The following HDAC9 variants were observed in gnomAD, a reference collection of about 807,000 sequenced individuals.
The protein encoded by HDAC9 is histone deacetylase 9.
HDAC9 carries 41 observed loss-of-function variants against 139.4 expected under a neutral mutation model. The ratio of observed to expected loss-of-function variants is 0.29; its 90% confidence interval spans 0.23 to 0.38. HDAC9 has a LOEUF of 0.38. Ranked by LOEUF, HDAC9 falls within the 10% of genes least tolerant of loss-of-function variation. The pLI, the probability that HDAC9 is intolerant of heterozygous loss-of-function variation, is 1.00. For synonymous variants in HDAC9, 517 were observed against 476.2 expected, an observed-to-expected ratio of 1.09 and a Z score of -1.12; for missense variants, 1,147 against 1,297.0, an observed-to-expected ratio of 0.88 and a Z score of 1.78.
intron 9 of HDAC9, among the ~76,000 whole-genome samples, chr7:18,646,191 A>C (rs1249922973): frequency 6.6e-6 from 1 of 152,266 alleles, no homozygotes; most frequent in South Asian, 2.1e-4. Flanking sequence ...ATACCAACCC[A>C]AAAACTTCTT....
chr7:18,218,001 A>G (rs920545005), intron 2 of HDAC9, among the ~76,000 whole-genome samples: 2 of 152,234 alleles, frequency 1.3e-5, no homozygotes, highest in Non-Finnish European at 2.9e-5. Context: ...ATTCACTCAC[A>G]TGGCTATTGA....
At chr7:18,337,422 A>AT (rs985263207) in intron 1 of HDAC9, among the ~76,000 whole-genome samples, 8 of 151,680 alleles carry the variant, frequency 5.3e-5, no homozygotes, top group Admixed American at 3.3e-4. Context: ...AAAGCAGCTT[A>AT]TTTTTTTAAC....
chr7:18,167,628 C>G (rs1344665217), intron 2 of HDAC9, among the ~76,000 whole-genome samples: 5 of 152,138 alleles, frequency 3.3e-5, no homozygotes, highest in African/African-American at 1.2e-4. Flanking sequence ...TTCATGTATT[C>G]TAAGGTCATT....
chr7:18,699,364 C>CTGTG (rs374334891), intron 12 of HDAC9, among the ~76,000 whole-genome samples: 1 of 151,314 alleles, frequency 6.6e-6, no homozygotes, highest in African/African-American at 2.4e-5. Context: ...GTAGGTGTGT[C>CTGTG]TGTGTGTGTG....
At position 18,339,325 on chromosome 7, in the gene HDAC9, CT is replaced by C. The variant is rs558821821; in HGVS notation, c.-42+48815del. On this transcript the variant is annotated intron_variant, in intron 1 of 3. Transcript: ENST00000413509. ...CTTCCTTTGGGTTTCATGTGCTTCT[CT>C]TTTTCTAGTTTCGTAAAGTGGAAGC... 3.3e-3 allele frequency among the ~76,000 whole-genome samples: 506 copies of C among 151,386 alleles called. 3 individuals are homozygous for C. Among genetic ancestry groups the C allele is most frequent in the African/African-American group, 0.012 (491 of 41,434 alleles).
chr7:18,957,550 G>A (rs940243998), intron 24 of HDAC9, among the ~76,000 whole-genome samples: 1 of 151,998 alleles, frequency 6.6e-6, no homozygotes. Flanking sequence ...AAAGTGGTAG[G>A]GACAGGTTAC....
chr7:18,158,947 G>A (rs1787424337), intron 1 of HDAC9, among the ~76,000 whole-genome samples: 1 of 152,230 alleles, frequency 6.6e-6, no homozygotes, highest in Non-Finnish European at 1.5e-5. Flanking sequence ...CTTTCAGAGA[G>A]CTGACAAAAT....
At chr7:18,594,809 A>G (rs540073689) in intron 6 of HDAC9, among the ~76,000 whole-genome samples, 1 of 152,218 alleles carries the variant, frequency 6.6e-6, no homozygotes, top group African/African-American at 2.4e-5. Context: ...GTTGTTTGCC[A>G]AATATAGTTC....
intron 2 of HDAC9, among the ~76,000 whole-genome samples, chr7:18,284,178 G>A (rs956778132): frequency 1.3e-5 from 2 of 152,020 alleles, no homozygotes; most frequent in South Asian, 4.1e-4. Flanking sequence ...TATATATTTT[G>A]TGTATTACTT....
At chr7:18,147,937 T>G (rs892713781) in intron 1 of HDAC9, among the ~76,000 whole-genome samples, 1 of 152,194 alleles carries the variant, frequency 6.6e-6, no homozygotes, top group Non-Finnish European at 1.5e-5. Flanking sequence ...GTTGTATTAA[T>G]TGCTGTGTAT....
chr7:18,369,492 T>C (rs1464589287), intron 1 of HDAC9, among the ~76,000 whole-genome samples: 2 of 152,002 alleles, frequency 1.3e-5, no homozygotes, highest in East Asian at 1.9e-4. Flanking sequence ...TTCTCCTCCC[T>C]TTTTTCTTCT....
At chr7:18,158,198 A>G (rs1489483828) in intron 1 of HDAC9, among the ~76,000 whole-genome samples, 5 of 152,344 alleles carry the variant, frequency 3.3e-5, no homozygotes, top group South Asian at 2.1e-4. Context: ...AAAAAAGACA[A>G]CTGTAATAAG....
intron 1 of HDAC9, among the ~76,000 whole-genome samples, chr7:18,155,300 T>A (rs1787107064): frequency 6.6e-6 from 1 of 152,094 alleles, no homozygotes; most frequent in Admixed American, 6.6e-5. Flanking sequence ...GATAAAATGA[T>A]CTTTATGATG....
At chr7:18,995,293 T>C (rs1370268588) in intron 25 of HDAC9, among the ~76,000 whole-genome samples, 2 of 152,190 alleles carry the variant, frequency 1.3e-5, no homozygotes, top group African/African-American at 4.8e-5. Flanking sequence ...CCTCATGTAT[T>C]TGGATTCCTC....
intron 25 of HDAC9, among the ~76,000 whole-genome samples, chr7:18,976,326 C>A (rs1167138702): frequency 1.3e-5 from 2 of 152,142 alleles, no homozygotes; most frequent in African/African-American, 4.8e-5. Context: ...TTTCTCTAAT[C>A]ATTTTGAAAT....
intron 5 of HDAC9, among the ~76,000 whole-genome samples, chr7:18,593,363 T>G (rs147426395): frequency 1.4e-3 from 207 of 152,230 alleles, no homozygotes; most frequent in African/African-American, 4.4e-3. Context: ...AAAATTGGTT[T>G]CATATTAAAG....
chr7:18,647,728 A>T (rs951295038), intron 9 of HDAC9, 57 bp from the exon 10 acceptor site: 107 of 1,396,736 alleles, frequency 7.7e-5, no homozygotes, highest in Non-Finnish European at 1.0e-4. Flanking sequence ...TGATTTAGAG[A>T]CCCAGTGACC....
intron 13 of HDAC9, among the ~76,000 whole-genome samples, chr7:18,738,183 A>T (rs925931248): frequency 6.6e-6 from 1 of 152,272 alleles, no homozygotes; most frequent in Non-Finnish European, 1.5e-5. Context: ...TCCTGAATAC[A>T]GCACACTGAT....
intron 22 of HDAC9, among the ~76,000 whole-genome samples, chr7:18,910,092 C>T (rs1802614257): frequency 6.6e-6 from 1 of 151,860 alleles, no homozygotes; most frequent in Non-Finnish European, 1.5e-5. Context: ...CAATCTCTCT[C>T]TTTACATCTT....
Sources: allele counts gnomAD v4.1 joint callset (sites outside exome capture counted in the v4.1 genomes callset), GRCh38; gene constraint gnomAD v4.1.1; transcripts MANE v1.5; gene names NCBI Gene and HGNC (gene_info 2026-07-23, HGNC 2026-07-21).